SPACDR: variants seen among roughly 807,000 people sequenced by gnomAD.
The protein encoded by SPACDR is uncharacterized protein C7orf61.
chr7:100,464,182 T>C, the SPACDR span: 1 of 1,484,014 alleles, frequency 6.7e-7, no homozygotes. Flanking sequence ...AAGTAGGAAA[T>C]CCTGGGGGAA....
At chr7:100,457,568 C>T in the SPACDR span, among the ~76,000 whole-genome samples, 5 of 150,484 alleles carry the variant, frequency 3.3e-5, no homozygotes, top group African/African-American at 1.2e-4. Flanking sequence ...ATCAGCCGGC[C>T]TCGGCCTCCC....
the SPACDR span, among the ~76,000 whole-genome samples, chr7:100,458,574 A>G: frequency 2.6e-5 from 4 of 152,282 alleles, no homozygotes; most frequent in African/African-American, 7.2e-5. Flanking sequence ...AGTGGTAGAT[A>G]ATATAAACGG....
chr7:100,462,620 G>C, the SPACDR span, among the ~76,000 whole-genome samples: 3 of 150,730 alleles, frequency 2.0e-5, no homozygotes, highest in African/African-American at 7.3e-5. Context: ...GGGCTCATGT[G>C]TTCCTCCTGC....
At chr7:100,463,170 T>C in the SPACDR span, among the ~76,000 whole-genome samples, 1 of 150,938 alleles carries the variant, frequency 6.6e-6, no homozygotes, top group East Asian at 2.0e-4. Context: ...GACAGGGTCT[T>C]GCTATGTTGC....
chr7:100,463,391 T>C, the SPACDR span: 1 of 1,607,556 alleles, frequency 6.2e-7, no homozygotes. Context: ...CCAGCCGCTC[T>C]GCAGGGCAGA....
chr7:100,457,845 A>G, the SPACDR span, among the ~76,000 whole-genome samples: 845 of 11,348 alleles, frequency 0.074, 7 homozygotes, highest in Middle Eastern at 0.19. Flanking sequence ...GTGTGTGTAT[A>G]TATATATATA....
At chr7:100,460,538 C>T in the SPACDR span, among the ~76,000 whole-genome samples, 1 of 150,760 alleles carries the variant, frequency 6.6e-6, no homozygotes, top group African/African-American at 2.4e-5. Context: ...TTGCAGTGAA[C>T]AAGATCATGC....
chr7:100,461,185 G>A, the SPACDR span, among the ~76,000 whole-genome samples: 7 of 152,054 alleles, frequency 4.6e-5, no homozygotes, highest in Non-Finnish European at 1.0e-4. Flanking sequence ...CCAGGATCAA[G>A]CGATTCTCCT....
the SPACDR span, chr7:100,464,138 C>A: frequency 6.5e-7 from 1 of 1,537,158 alleles, no homozygotes; most frequent in South Asian, 1.2e-5. Flanking sequence ...CTTGAGGGGT[C>A]TCCTGTGAGC....
At chr7:100,457,989 G>GT in the SPACDR span, among the ~76,000 whole-genome samples, 4 of 151,028 alleles carry the variant, frequency 2.6e-5, no homozygotes, top group East Asian at 3.9e-4. Context: ...GGCTTAAACT[G>GT]TTTTTTTGTT....
chr7:100,464,085 T>TGGGGGGGGG, the SPACDR span: 2 of 73,994 alleles, frequency 2.7e-5, no homozygotes, highest in South Asian at 2.7e-4. Context: ...ACGGTGGGGG[T>TGGGGGGGGG]GGCGGGTGGG....
At chr7:100,461,909 T>C in the SPACDR span, among the ~76,000 whole-genome samples, 2 of 146,612 alleles carry the variant, frequency 1.4e-5, no homozygotes, top group African/African-American at 2.5e-5. Flanking sequence ...AGGAGAACGG[T>C]GTGAACCCAG....
chr7:100,457,963 G>A, the SPACDR span, among the ~76,000 whole-genome samples: 1 of 150,860 alleles, frequency 6.6e-6, no homozygotes, highest in Non-Finnish European at 1.5e-5. Context: ...GATTACAGGC[G>A]TGAGTCGCCA....
At chr7:100,456,937 G>A in the SPACDR span, 2 of 1,613,640 alleles carry the variant, frequency 1.2e-6, no homozygotes, top group Non-Finnish European at 1.7e-6. Context: ...GTCTTCAAAG[G>A]TGACTGCGTC....
chr7:100,457,042 C>A, the SPACDR span: 1 of 1,291,224 alleles, frequency 7.7e-7, no homozygotes, highest in African/African-American at 1.5e-5. Flanking sequence ...GGAGAAACTG[C>A]CGCTAGAACG....
the SPACDR span, among the ~76,000 whole-genome samples, chr7:100,462,524 T>C: frequency 5.8e-3 from 875 of 149,664 alleles, 1 homozygote; most frequent in Middle Eastern, 0.021. Flanking sequence ...GAAATATATA[T>C]ATATTTTTAA....
the SPACDR span, among the ~76,000 whole-genome samples, chr7:100,461,908 G>A: frequency 2.0e-5 from 3 of 150,902 alleles, no homozygotes; most frequent in African/African-American, 7.3e-5. Context: ...CAGGAGAACG[G>A]TGTGAACCCA....
chr7:100,463,426 G>A, the SPACDR span: 1 of 1,613,770 alleles, frequency 6.2e-7, no homozygotes, highest in East Asian at 2.2e-5. Flanking sequence ...AGACAGACTT[G>A]ACGGCCGTCC....
At chr7:100,461,888 G>T in the SPACDR span, among the ~76,000 whole-genome samples, 7 of 151,096 alleles carry the variant, frequency 4.6e-5, no homozygotes, top group African/African-American at 1.7e-4. Flanking sequence ...AGCTACTCAG[G>T]AGGCTGAGGC....
Sources: gnomAD v4.1 joint callset for allele counts (sites outside exome capture counted in the v4.1 genomes callset) on GRCh38, gnomAD v4.1.1 for gene constraint, MANE v1.5 for transcripts, NCBI Gene and HGNC (gene_info 2026-07-23, HGNC 2026-07-21) for gene names.